The following LRCH1 variants were observed in gnomAD, a reference collection of about 807,000 sequenced individuals.
The protein encoded by LRCH1 is leucine-rich repeat and calponin homology domain-containing protein 1.
In LRCH1, 23 loss-of-function variants were observed where a neutral mutation model predicts 94.9. That is an observed-to-expected ratio of 0.24 (90% CI 0.17 to 0.34). LRCH1 has a LOEUF of 0.34. LRCH1 is among the 10% of genes least tolerant of loss of function. The pLI is 1.00. For missense variants in LRCH1, 790 were observed against 945.9 expected (o/e 0.84, Z 2.16); for synonymous variants, 364 against 354.9 (o/e 1.03, Z -0.29).
rs370677856 is a variant in LRCH1 at position 46,657,670 on chromosome 13, C to T, written c.452+7325C>T. 3.6e-4 allele frequency among the ~76,000 whole-genome samples: 46 copies of T among 128,854 alleles called. No individual in the cohort carries two copies. The East Asian group carries it at 8.6e-3, about 24-fold the overall frequency. The allele number at this position is 128,854 out of a possible 152,430, so 84.5% of individuals were successfully genotyped here. On this transcript the variant is annotated intron_variant, in intron 2 of 19. Transcript: ENST00000389797. ...CCTCACTAGTAGCTGGGACTACAGA[C>T]GTGCGCCACCATGCCCAGCTAATTT...
intron 11 of LRCH1, among the ~76,000 whole-genome samples, chr13:46,704,659 G>A (rs896912255): frequency 2.6e-5 from 4 of 151,878 alleles, no homozygotes; most frequent in African/African-American, 9.7e-5. Flanking sequence ...ATTTTTTTAA[G>A]TGAGAGATAT....
intron 15 of LRCH1, among the ~76,000 whole-genome samples, chr13:46,715,259 C>A (rs947247850): frequency 2.0e-5 from 3 of 152,074 alleles, no homozygotes; most frequent in Non-Finnish European, 4.4e-5. Context: ...TTTCCTCTGA[C>A]CTGATTCATT....
chr13:46,579,997 A>G (rs972654733), intron 1 of LRCH1, among the ~76,000 whole-genome samples: 1 of 152,198 alleles, frequency 6.6e-6, no homozygotes, highest in African/African-American at 2.4e-5. Flanking sequence ...GCTCATGAAG[A>G]AGTAAAACCT....
In LRCH1 at chr13:46,640,462, A is replaced by T. The variant is rs79388890; in HGVS notation, c.308-9739A>T. On this transcript the variant is annotated intron_variant, in intron 1 of 19. Transcript: ENST00000389797. ...AGAGTTTGAACTCAAGCTGTCTGAC[A>T]TGAGGACCTGGAACCAGCCTGGGTT... Among the ~76,000 whole-genome samples the T allele has an allele frequency of 2.1e-3, 318 of 152,324 alleles. 1 individual carries two copies. Among genetic ancestry groups the T allele is most frequent in the African/African-American group, 7.5e-3 (312 of 41,576 alleles).
intron 7 of LRCH1, 115 bp downstream of exon 7, chr13:46,689,311 C>T (rs1376176092): frequency 7.2e-6 from 5 of 697,596 alleles, no homozygotes; most frequent in South Asian, 2.3e-5. Context: ...ATGTGATATT[C>T]GTAAAAGTGA....
At chr13:46,610,169 G>A (rs1278553003) in intron 1 of LRCH1, among the ~76,000 whole-genome samples, 1 of 152,110 alleles carries the variant, frequency 6.6e-6, no homozygotes, top group African/African-American at 2.4e-5. Context: ...TTAATATTTG[G>A]GAGAGAGTTT....
chr13:46,651,847 C>A (rs1331033042), intron 2 of LRCH1, among the ~76,000 whole-genome samples: 3 of 149,766 alleles, frequency 2.0e-5, no homozygotes, highest in Non-Finnish European at 3.0e-5. Flanking sequence ...ACTACAGGCG[C>A]CGGCCACCAG....
At chr13:46,647,973 A>C (rs2051244492) in intron 1 of LRCH1, among the ~76,000 whole-genome samples, 1 of 151,814 alleles carries the variant, frequency 6.6e-6, no homozygotes, top group South Asian at 2.1e-4. Context: ...GGGGTGGGGG[A>C]TGGTTTCAGG....
intron 1 of LRCH1, among the ~76,000 whole-genome samples, chr13:46,618,875 T>TTC (rs1339301688): frequency 1.3e-5 from 2 of 152,318 alleles, no homozygotes; most frequent in East Asian, 3.9e-4. Context: ...TGCTCTGTCT[T>TTC]TCCTCAGTTG....
At chr13:46,617,435 T>C (rs540382230) in intron 1 of LRCH1, among the ~76,000 whole-genome samples, 1 of 152,328 alleles carries the variant, frequency 6.6e-6, no homozygotes, top group South Asian at 2.1e-4. Context: ...CCAACAGTGT[T>C]TTTTAAGTTG....
At chr13:46,665,481 TTTCATCTTG>T (rs2051502633) in intron 2 of LRCH1, among the ~76,000 whole-genome samples, 1 of 152,238 alleles carries the variant, frequency 6.6e-6, no homozygotes, top group Non-Finnish European at 1.5e-5. Flanking sequence ...AGCTGCCTTA[TTTCATCTTG>T]AAATGATGAA....
intron 2 of LRCH1, among the ~76,000 whole-genome samples, chr13:46,662,180 G>A (rs1285575454): frequency 6.6e-6 from 1 of 152,150 alleles, no homozygotes; most frequent in Admixed American, 6.5e-5. Context: ...GAGAAGCAAA[G>A]TAGGAATACC....
intron 1 of LRCH1, among the ~76,000 whole-genome samples, chr13:46,629,573 G>C (rs557325756): frequency 6.6e-6 from 1 of 152,300 alleles, no homozygotes; most frequent in Non-Finnish European, 1.5e-5. Context: ...CATGTGATGG[G>C]TGCTCAGTGG....
downstream of LRCH1, among the ~76,000 whole-genome samples, chr13:46,747,637 C>T (rs1398772144): frequency 6.6e-6 from 1 of 152,222 alleles, no homozygotes; most frequent in African/African-American, 2.4e-5. Flanking sequence ...GCAAATCCCT[C>T]ATTCAAAAAT....
Position 46,743,970 on chromosome 13 carries a change from C to T in LRCH1, c.*2122C>T. ...GTCTGTACTCTGCTGCGCTGCACTT[C>T]TTGGGATTTATTGGATGATGTTTTT... is the stretch of plus-strand genomic sequence containing the variant. On this transcript the variant is annotated 3_prime_UTR_variant, in exon 20 of 20. Transcript: ENST00000389797. 1.0e-6 allele frequency: 1 copy of T among 985,390 alleles called. No individual in the cohort carries two copies. Among genetic ancestry groups the T allele is most frequent in the Non-Finnish European group, 1.2e-6 (1 of 829,922 alleles). The allele number at this position is 985,390 out of a possible 1,614,324, so 61.0% of individuals were successfully genotyped here.
At chr13:46,570,861 C>T (rs2050233584) in intron 1 of LRCH1, among the ~76,000 whole-genome samples, 2 of 152,272 alleles carry the variant, frequency 1.3e-5, no homozygotes, top group East Asian at 1.9e-4. Context: ...AGAGGAGTGT[C>T]TAAAATTAAA....
rs563859063 is a variant in LRCH1 at position 46,622,202 on chromosome 13, T to C, written c.308-27999T>C. 5.5e-3 allele frequency among the ~76,000 whole-genome samples: 780 copies of C among 141,388 alleles called. 5 individuals carry two copies. Among genetic ancestry groups the C allele is most frequent in the African/African-American group, 0.019 (752 of 38,696 alleles). 92.8% of individuals were successfully genotyped at this position (141,388 alleles called of 152,430 possible). The stretch of plus-strand genomic sequence containing the variant: ...AATTTCTATGGGTTTTTTTTTTTTT[T>C]CCCCCCAAGGCGAGGTATCCTGTAT... On this transcript the variant is annotated intron_variant, in intron 1 of 19. Coordinates refer to ENST00000389797, the MANE Select transcript of LRCH1 (RefSeq NM_001164211.2).
At chr13:46,619,113 T>TTCCTTCC (rs143168003) in intron 1 of LRCH1, among the ~76,000 whole-genome samples, 12,081 of 90,376 alleles carry the variant, frequency 0.13, 778 homozygotes, top group Middle Eastern at 0.2. Flanking sequence ...CCTTCCTTCC[T>TTCCTTCC]TTTTTTTGGT....
At chr13:46,691,153 T>C (rs537873132) in intron 7 of LRCH1, among the ~76,000 whole-genome samples, 57 of 152,188 alleles carry the variant, frequency 3.7e-4, no homozygotes, top group Admixed American at 8.5e-4. Context: ...TCTCCTGAAA[T>C]GTGTTTTGTG....
Sources: allele counts gnomAD v4.1 joint callset (sites outside exome capture counted in the v4.1 genomes callset), GRCh38; gene constraint gnomAD v4.1.1; transcripts MANE v1.5; gene names NCBI Gene and HGNC (gene_info 2026-07-23, HGNC 2026-07-21).